Variants in DACH2 observed in about 807,000 individuals in gnomAD.
The protein encoded by DACH2 is dachshund family transcription factor 2.
Under a neutral mutation model 35.8 loss-of-function variants are expected in DACH2, and 17 were observed. That is an observed-to-expected ratio of 0.48 (90% CI 0.33 to 0.71). The LOEUF is 0.71. Among genes scored for constraint, DACH2 ranks in the 30% least tolerant of loss-of-function variants. The pLI is 0.02. For synonymous variants in DACH2, 195 were observed against 177.3 expected (o/e 1.10, Z -0.79); for missense variants, 469 against 472.7 (o/e 0.99, Z 0.07).
At chrX:86,782,222 T>C (rs2042095587) in intron 7 of DACH2, among the ~76,000 whole-genome samples, 1 of 111,793 alleles carries the variant, frequency 8.9e-6, no homozygotes, top group Non-Finnish European at 1.9e-5. Flanking sequence ...TCTATGTTCA[T>C]GGATTGAAAG....
At chrX:86,505,299 A>G (rs2038307134) in intron 2 of DACH2, among the ~76,000 whole-genome samples, 1 of 112,058 alleles carries the variant, frequency 8.9e-6, no homozygotes, top group Non-Finnish European at 1.9e-5. Context: ...TACACATAAC[A>G]TAAAATGTAT....
At chrX:86,536,484 G>T (rs1325994708) in intron 3 of DACH2, among the ~76,000 whole-genome samples, 1 of 112,169 alleles carries the variant, frequency 8.9e-6, no homozygotes, top group Non-Finnish European at 1.9e-5. Context: ...AGTCTGACAA[G>T]AGGACATCCA....
rs867005553 is a variant in DACH2 at position 86,656,863 on chromosome X, A to G, written c.772+5696A>G. On this transcript the variant is annotated intron_variant, in intron 4 of 11. Coordinates refer to ENST00000373125, the MANE Select transcript of DACH2 (RefSeq NM_053281.3). ...AAAATACATGTGTGTGTGTGTATAT[A>G]TATATATATATATATATATATATAT... Among the ~76,000 whole-genome samples the G allele has an allele frequency of 4.3e-3, 331 of 76,138 alleles. 3 individuals carry two copies. Among genetic ancestry groups the G allele is most frequent in the East Asian group, 0.023 (42 of 1,812 alleles). The allele number at this position is 76,138 out of a possible 115,157, so 66.1% of individuals were successfully genotyped here.
chrX:86,743,192 C>T (rs751645561), intron 7 of DACH2, among the ~76,000 whole-genome samples: 7 of 111,095 alleles, frequency 6.3e-5, no homozygotes, highest in Non-Finnish European at 1.1e-4. Flanking sequence ...AGCAAGTTAG[C>T]CCATCAGGTA....
intron 2 of DACH2, among the ~76,000 whole-genome samples, chrX:86,431,862 T>G (rs193286552): frequency 5.4e-5 from 6 of 111,764 alleles, no homozygotes; most frequent in Non-Finnish European, 1.1e-4. Flanking sequence ...TAAGGTTGAA[T>G]TTGTAAAGGT....
intron 1 of DACH2, among the ~76,000 whole-genome samples, chrX:86,296,594 T>G (rs1335802158): frequency 9.0e-6 from 1 of 111,010 alleles, no homozygotes; most frequent in Non-Finnish European, 1.9e-5. Context: ...TATTTTTTCA[T>G]TATTAGACCC....
At chrX:86,562,420 C>T (rs2039235836) in intron 3 of DACH2, among the ~76,000 whole-genome samples, 1 of 110,896 alleles carries the variant, frequency 9.0e-6, no homozygotes, top group Non-Finnish European at 1.9e-5. Context: ...ATGGTATATG[C>T]TTGCAAAGAA....
chrX:86,745,026 A>G (rs1208161843), intron 7 of DACH2, among the ~76,000 whole-genome samples: 2 of 110,583 alleles, frequency 1.8e-5, no homozygotes, highest in Non-Finnish European at 3.8e-5. Context: ...CTGGGAAGTA[A>G]ATGTTTTCAA....
intron 3 of DACH2, among the ~76,000 whole-genome samples, chrX:86,603,845 C>G (rs764723475): frequency 9.0e-6 from 1 of 110,847 alleles, no homozygotes; most frequent in Non-Finnish European, 1.9e-5. Context: ...TTACTTTGTT[C>G]CCTTTTCATT....
chrX:86,296,113 C>T (rs1246941539), intron 1 of DACH2, among the ~76,000 whole-genome samples: 3 of 109,296 alleles, frequency 2.7e-5, no homozygotes, highest in East Asian at 5.7e-4. Context: ...GGCGAGGTGG[C>T]TCACGCTTGT....
chrX:86,489,690 T>C (rs949259017), intron 2 of DACH2, among the ~76,000 whole-genome samples: 30 of 111,822 alleles, frequency 2.7e-4, no homozygotes, highest in African/African-American at 9.7e-4. Flanking sequence ...CTTCATAAAT[T>C]ACATTTTAGT....
chrX:86,437,089 A>C (rs1212129713), intron 2 of DACH2, among the ~76,000 whole-genome samples: 1 of 111,288 alleles, frequency 9.0e-6, no homozygotes, highest in Non-Finnish European at 1.9e-5. Flanking sequence ...CTATTCCAGA[A>C]ACAGCTTTTC....
intron 1 of DACH2, among the ~76,000 whole-genome samples, chrX:86,153,823 AAC>A (rs2030451474): frequency 9.0e-6 from 1 of 111,652 alleles, no homozygotes; most frequent in Admixed American, 9.6e-5. Context: ...CTGAATAACC[AAC>A]AGTTTTGTAT....
chrX:86,777,044 A>C (rs1348834891), intron 7 of DACH2, among the ~76,000 whole-genome samples: 1 of 111,567 alleles, frequency 9.0e-6, no homozygotes, highest in East Asian at 2.8e-4. Flanking sequence ...GCTGCAGTAA[A>C]CATACGTGTG....
At chrX:86,467,561 G>A (rs964234550) in intron 2 of DACH2, among the ~76,000 whole-genome samples, 1 of 111,303 alleles carries the variant, frequency 9.0e-6, no homozygotes, top group Non-Finnish European at 1.9e-5. Context: ...CCTCCAAACT[G>A]TTCCAACCTC....
intron 1 of DACH2, among the ~76,000 whole-genome samples, chrX:86,149,471 A>G (rs1259573261): frequency 8.9e-6 from 1 of 111,863 alleles, no homozygotes; most frequent in Non-Finnish European, 1.9e-5. Flanking sequence ...CGGGTCGGAT[A>G]GGTTTTCTTC....
chrX:86,581,229 C>T (rs993192003), intron 3 of DACH2, among the ~76,000 whole-genome samples: 1 of 111,714 alleles, frequency 9.0e-6, no homozygotes, highest in East Asian at 2.8e-4. Flanking sequence ...TGAAGGGATG[C>T]TAAATATGGA....
chrX:86,325,733 G>A (rs930505512), intron 1 of DACH2, among the ~76,000 whole-genome samples: 1 of 111,672 alleles, frequency 9.0e-6, no homozygotes, highest in Non-Finnish European at 1.9e-5. Context: ...TAGAAGTGCC[G>A]TTATTGTGGA....
intron 1 of DACH2, among the ~76,000 whole-genome samples, chrX:86,272,844 C>G (rs73516046): frequency 8.9e-6 from 1 of 111,868 alleles, no homozygotes. Flanking sequence ...TCTCTCAATG[C>G]GATAACGTAG....
Sources: gnomAD v4.1 joint callset for allele counts (sites outside exome capture counted in the v4.1 genomes callset) on GRCh38, gnomAD v4.1.1 for gene constraint, MANE v1.5 for transcripts, NCBI Gene and HGNC (gene_info 2026-07-23, HGNC 2026-07-21) for gene names.